TIAM2: variants seen among roughly 807,000 people sequenced by gnomAD.
TIAM2 encodes the protein rho guanine nucleotide exchange factor TIAM2.
TIAM2 carries 80 observed loss-of-function variants against 152.9 expected under a neutral mutation model. That is an observed-to-expected ratio of 0.52 (90% CI 0.44 to 0.63). TIAM2 has a LOEUF of 0.63. Ranked by LOEUF, TIAM2 falls within the 30% of genes least tolerant of loss-of-function variation. The pLI is 0.00. For missense variants in TIAM2, 1,965 were observed against 2,120.1 expected (o/e 0.93, Z 1.44); for synonymous variants, 804 against 838.0 (o/e 0.96, Z 0.70).
Position 155,137,479 on chromosome 6 carries a change from C to A in TIAM2, c.1497C>A (p.Leu499=). The A allele has an allele frequency of 6.2e-7, 1 of 1,614,206 alleles. No individual in the cohort carries two copies. Residue 499 remains leucine (L), a synonymous_variant, in exon 5 of 27, where the codon CTC becomes CTA. Transcript: ENST00000682666. ...GCTCTCTGGAACAGCTGGATCTGCTCTTTGAGAAGGAACAGGGGGTGGTCC... is the reference window on the plus strand; with the variant it reads ...GCTCTCTGGAACAGCTGGATCTGCTATTTGAGAAGGAACAGGGGGTGGTCC... ...SLSSLEQLDL[L]FEKEQGVVRK...
chr6:155,228,926 GCAGCTCT>G (rs1562361955), intron 15 of TIAM2, among the ~76,000 whole-genome samples: 27 of 152,238 alleles, frequency 1.8e-4, no homozygotes, highest in Non-Finnish European at 3.5e-4. Flanking sequence ...TCTCCAGCAT[GCAGCTCT>G]GACCTGCCTT....
chr6:155,128,189 C>T (rs552842293), intron 3 of TIAM2, among the ~76,000 whole-genome samples: 1 of 152,320 alleles, frequency 6.6e-6, no homozygotes, highest in South Asian at 2.1e-4. Flanking sequence ...CAGCTTCATA[C>T]TTACTTCTCT....
intron 1 of TIAM2, among the ~76,000 whole-genome samples, chr6:155,052,773 C>CA (rs10545743): frequency 0.013 from 1,554 of 116,940 alleles, 11 homozygotes; most frequent in African/African-American, 0.034. Flanking sequence ...AACTCCATCT[C>CA]AAAAAAAAAA....
intron 1 of TIAM2, among the ~76,000 whole-genome samples, chr6:155,089,741 C>T (rs183096988): frequency 6.0e-4 from 92 of 152,270 alleles, no homozygotes; most frequent in African/African-American, 2.1e-3. Flanking sequence ...GTCTCATTAC[C>T]CTATTGACTC....
intron 14 of TIAM2, among the ~76,000 whole-genome samples, chr6:155,208,835 A>G (rs1781650619): frequency 6.6e-6 from 1 of 151,746 alleles, no homozygotes; most frequent in African/African-American, 2.4e-5. Context: ...CTTGTCCTCC[A>G]TCCATCCGTC....
intron 1 of TIAM2, among the ~76,000 whole-genome samples, chr6:155,024,478 T>C (rs1196994098): frequency 6.6e-6 from 1 of 151,962 alleles, no homozygotes; most frequent in Non-Finnish European, 1.5e-5. Flanking sequence ...TGGTGGCAGA[T>C]GGGGTAAGTT....
At chr6:155,012,036 A>C (rs1297596595) in intron 1 of TIAM2, among the ~76,000 whole-genome samples, 1 of 152,216 alleles carries the variant, frequency 6.6e-6, no homozygotes, top group Non-Finnish European at 1.5e-5. Context: ...CTCCAAGAGA[A>C]GTATTGTAAA....
rs983045071 is a variant in TIAM2, at chr6:155,211,022, C to G, written c.3065-182C>G. Among the ~76,000 whole-genome samples, 44 of 152,174 alleles carry G rather than the reference C, an allele frequency of 2.9e-4. 1 individual carries two copies. Among genetic ancestry groups the G allele is most frequent in the African/African-American group, 9.2e-4 (38 of 41,422 alleles). ...TGTTGCCTTTTCAATTAGCAAGACCCTAGATCTGTTTCAGAAGCCCATCTG... is the reference window on the plus strand; with the variant it reads ...TGTTGCCTTTTCAATTAGCAAGACCGTAGATCTGTTTCAGAAGCCCATCTG... On this transcript the variant is annotated intron_variant, in intron 14 of 26. Transcript: ENST00000682666.
At chr6:155,119,706 A>C (rs755784306) in intron 2 of TIAM2, among the ~76,000 whole-genome samples, 6 of 152,226 alleles carry the variant, frequency 3.9e-5, no homozygotes, top group Non-Finnish European at 1.5e-5. Flanking sequence ...CTTAGAGTGG[A>C]TGTACCATTC....
chr6:155,253,894 A>AT, intron 24 of TIAM2, 79 bp from the exon 25 acceptor site: 4 of 1,082,488 alleles, frequency 3.7e-6, no homozygotes, highest in Non-Finnish European at 4.1e-6. Flanking sequence ...AACTGATGAG[A>AT]TTTCAACTTT....
chr6:155,201,836 GCTCT>G (rs1376708593), intron 14 of TIAM2, among the ~76,000 whole-genome samples: 2 of 152,170 alleles, frequency 1.3e-5, no homozygotes, highest in African/African-American at 4.8e-5. Context: ...TTACTTTACT[GCTCT>G]CTGTTTATTG....
intron 1 of TIAM2, among the ~76,000 whole-genome samples, chr6:155,083,981 A>G (rs1481395243): frequency 6.6e-6 from 1 of 152,156 alleles, no homozygotes; most frequent in Non-Finnish European, 1.5e-5. Flanking sequence ...GCTGTACTAT[A>G]TAGGTTGAAG....
intron 26 of TIAM2, chr6:155,256,239 T>G (rs1410397549): frequency 9.9e-6 from 6 of 606,248 alleles, no homozygotes; most frequent in South Asian, 2.1e-5. Flanking sequence ...TCTAGTTCTA[T>G]TTACATAATT....
At chr6:155,034,780 C>A (rs1038306289) in intron 1 of TIAM2, among the ~76,000 whole-genome samples, 24 of 152,150 alleles carry the variant, frequency 1.6e-4, no homozygotes, top group African/African-American at 5.1e-4. Context: ...CTGGGACCTC[C>A]AACACAATAT....
chr6:155,089,209 GT>G (rs949127713), intron 1 of TIAM2, among the ~76,000 whole-genome samples: 9 of 143,136 alleles, frequency 6.3e-5, no homozygotes, highest in African/African-American at 2.3e-4. Flanking sequence ...GAAACCACCT[GT>G]TTTTTTTCGG....
At chr6:155,184,107 G>T (rs1446011164) in intron 14 of TIAM2, among the ~76,000 whole-genome samples, 1 of 152,028 alleles carries the variant, frequency 6.6e-6, no homozygotes. Flanking sequence ...TCGTGCCTCA[G>T]CCTCCTGAGT....
intron 1 of TIAM2, among the ~76,000 whole-genome samples, chr6:155,028,333 T>A (rs1462400502): frequency 2.1e-5 from 2 of 93,858 alleles, no homozygotes; most frequent in Non-Finnish European, 3.9e-5. Flanking sequence ...ATACTACATA[T>A]AATATATACT....
In TIAM2 at chr6:155,119,178, G is replaced by A. The variant is rs561572306; in HGVS notation, c.-117-8312G>A. Among the ~76,000 whole-genome samples, 10 of 151,986 alleles carry A rather than the reference G, an allele frequency of 6.6e-5. No homozygotes were observed. In the South Asian group the frequency reaches 2.1e-3, roughly 32 times the overall value. ...GCCTCCCGAGTAGCTGGGATTACAG[G>A]TGCCTGCCACCACGCCCGGCTAATT... On this transcript the variant is annotated intron_variant, in intron 2 of 26. Transcript: ENST00000682666.
At chr6:155,084,326 A>G (rs1228058339) in intron 1 of TIAM2, among the ~76,000 whole-genome samples, 1 of 152,194 alleles carries the variant, frequency 6.6e-6, no homozygotes, top group Non-Finnish European at 1.5e-5. Context: ...AAGCTGTGTC[A>G]CCATCGTATT....
Sources: gnomAD v4.1 joint callset for allele counts (sites outside exome capture counted in the v4.1 genomes callset) on GRCh38, gnomAD v4.1.1 for gene constraint, MANE v1.5 for transcripts, NCBI Gene and HGNC (gene_info 2026-07-23, HGNC 2026-07-21) for gene names.